The following ITGA2B variants were observed in gnomAD, a reference collection of about 807,000 sequenced individuals.
ITGA2B encodes the protein integrin alpha-IIb.
Under a neutral mutation model 142.0 loss-of-function variants are expected in ITGA2B, and 91 were observed. The observed-to-expected ratio is 0.64, with a 90% confidence interval of 0.54 to 0.76. The LOEUF (loss-of-function observed/expected upper bound fraction) is 0.76, where lower values mean the gene tolerates loss of function less well. Among genes scored for constraint, ITGA2B ranks in the 30% least tolerant of loss-of-function variants. The probability of loss-of-function intolerance (pLI) is 0.00; values close to 1 mark genes in which losing one functional copy is unlikely to be tolerated. For missense variants in ITGA2B, 1,231 were observed against 1,350.8 expected (o/e 0.91, Z 1.39); for synonymous variants, 536 against 567.2 (o/e 0.94, Z 0.78).
rs2048504229 is a variant in ITGA2B, at chr17:44,372,343, A to G, written c.*21T>C. 2 of 1,613,550 alleles carry G rather than the reference A, an allele frequency of 1.2e-6. No homozygotes were observed. The highest frequency in any genetic ancestry group is 2.7e-5 in the African/African-American group (2 of 74,910). ...AGGTAGCACGCCCAACCCTCCTGCT[A>G]GAATAGTGTAGGCTGCACCATCACT... On this transcript the variant is annotated 3_prime_UTR_variant, in exon 30 of 30. Coordinates refer to ENST00000262407, the MANE Select transcript of ITGA2B (RefSeq NM_000419.5).
At position 44,380,945 on chromosome 17, in the gene ITGA2B, G is replaced by A. The variant is rs974615642; in HGVS notation, c.1327C>T (p.Pro443Ser). 4.3e-6 allele frequency: 7 copies of A among 1,614,250 alleles called. No individual in the cohort carries two copies. The highest frequency in any genetic ancestry group is 5.9e-6 in the Non-Finnish European group (7 of 1,180,036). ...GAGAAGCCAAAGGCAGAGCCTGTGG[G>A]GAAGGGGCTGTCCAGGACCTGGGAG... Reference protein sequence around the residue: ...RPSQVLDSPFPTGSAFGFSLR... With the variant: ...RPSQVLDSPFSTGSAFGFSLR... The change falls in exon 13 of 30, where the codon CCC becomes TCC. Residue 443 changes from proline to serine, a missense_variant. Pro to Ser is a moderately conservative substitution (Grantham distance 74). Coordinates refer to ENST00000262407, the MANE Select transcript of ITGA2B (RefSeq NM_000419.5).
chr17:44,378,469 C>G lies in ITGA2B; in HGVS notation c.1987G>C (p.Glu663Gln), dbSNP rs1255156480. 4.3e-6 allele frequency: 7 copies of G among 1,613,808 alleles called. No individual in the cohort carries two copies. The highest frequency in any genetic ancestry group is 5.9e-6 in the Non-Finnish European group (7 of 1,179,962). The change falls in exon 20 of 30, where the codon GAG becomes CAG. Residue 663 changes from glutamate to glutamine, a missense_variant. Physicochemically the swap from Glu to Gln is conservative, Grantham distance 29 (BLOSUM62 2). Coordinates refer to ENST00000262407, the MANE Select transcript of ITGA2B (RefSeq NM_000419.5). ...TCGTTGGCTGCGTCCATCTGCAGCTCCAGGACATTATCTGCCCCAACTAGG... is the reference window on the plus strand; with the variant it reads ...TCGTTGGCTGCGTCCATCTGCAGCTGCAGGACATTATCTGCCCCAACTAGG... ...PLLVGADNVL[E>Q]LQMDAANEGE...
In ITGA2B at chr17:44,375,700, G is replaced by C. The variant is rs1331950413; in HGVS notation, c.2618C>G (p.Pro873Arg). 4 of 1,588,790 alleles carry C rather than the reference G, an allele frequency of 2.5e-6. No individual in the cohort carries two copies. The highest frequency in any genetic ancestry group is 3.4e-6 in the Non-Finnish European group (4 of 1,167,882). Residue 873 changes from proline to arginine, a missense_variant, in exon 26 of 30, where the codon CCC becomes CGC. By Grantham distance (103) the Pro-to-Arg change is moderately radical. This residue lies in a region of ITGA2B where 908 missense variants were observed against 1,021.1 expected (regional missense o/e 0.89). Coordinates refer to ENST00000262407, the MANE Select transcript of ITGA2B (RefSeq NM_000419.5). ...VNPLKVDWGL[P>R]IPSPSPIHPA... ...GTGAATGGGGGAGGGGCTGGGGATGGGCAGCCCCCAGTCCACCTGGGGGGG... is the reference window on the plus strand; with the variant it reads ...GTGAATGGGGGAGGGGCTGGGGATGCGCAGCCCCCAGTCCACCTGGGGGGG...
intron 4 of ITGA2B, 58 bp from the exon 5 acceptor site, chr17:44,385,393 C>G (rs2048636893): frequency 3.2e-6 from 5 of 1,564,060 alleles, no homozygotes; most frequent in Non-Finnish European, 2.6e-6. Context: ...CGCGCGAGCC[C>G]GGAGGAGGGC....
At chr17:44,376,232 C>T (rs2048542825) in intron 23 of ITGA2B, 48 bp from the exon 24 acceptor site, 1 of 1,613,538 alleles carries the variant, frequency 6.2e-7, no homozygotes, top group Admixed American at 1.7e-5. Flanking sequence ...CCTGATTGGC[C>T]TGTGAGGTTT....
intron 22 of ITGA2B, 66 bp from the exon 23 acceptor site, chr17:44,376,454 G>C (rs1211599218): frequency 6.8e-7 from 1 of 1,467,688 alleles, no homozygotes; most frequent in Non-Finnish European, 9.6e-7. Flanking sequence ...CTGGGGGTGA[G>C]GCCAGAATTT....
intron 1 of ITGA2B, among the ~76,000 whole-genome samples, chr17:44,388,710 G>T (rs942034115): frequency 1.3e-5 from 2 of 151,974 alleles, no homozygotes; most frequent in Non-Finnish European, 2.9e-5. Context: ...ATAGAGACAG[G>T]GTTTCACCAT....
At chr17:44,376,448 G>GCT in intron 22 of ITGA2B, 60 bp from the exon 23 acceptor site, 1 of 1,505,508 alleles carries the variant, frequency 6.6e-7, no homozygotes, top group Non-Finnish European at 9.2e-7. Flanking sequence ...GACTTTCTGG[G>GCT]GGTGAGGCCA....
chr17:44,385,841 A>C lies in ITGA2B; in HGVS notation c.391T>G (p.Trp131Gly). The C allele has an allele frequency of 6.2e-7, 1 of 1,604,768 alleles. No individual in the cohort carries two copies. Among genetic ancestry groups the C allele is most frequent in the Non-Finnish European group, 8.5e-7 (1 of 1,175,170 alleles). ...GGGCCCACCACAATGACGTCGCTCC[A>C]GCTGACGACCGACGCCCCCAGTCCT... ...RQGLGASVVS[W>G]SDVIVACAPW... The change falls in exon 3 of 30, where the codon TGG becomes GGG. Residue 131 changes from tryptophan (W) to glycine (G), a missense_variant. Physicochemically the swap from Trp to Gly is radical, Grantham distance 184 (BLOSUM62 -2). Transcript: ENST00000262407.
chr17:44,374,136 C>A, intron 29 of ITGA2B: 1 of 566,262 alleles, frequency 1.8e-6, no homozygotes, highest in South Asian at 1.9e-5. Flanking sequence ...GAACTCTTGA[C>A]CTCAGGTGAT....
At chr17:44,386,308 G>A (rs1196591133) in intron 1 of ITGA2B, among the ~76,000 whole-genome samples, 177 bp from the exon 2 acceptor site, 1 of 152,232 alleles carries the variant, frequency 6.6e-6, no homozygotes, top group Admixed American at 6.5e-5. Context: ...CAGTGAAACC[G>A]ACTCTCAGCG....
intron 14 of ITGA2B, 22 bp from the exon 15 acceptor site, chr17:44,380,512 G>A (rs772105748): frequency 1.8e-5 from 29 of 1,613,662 alleles, no homozygotes; most frequent in Non-Finnish European, 2.4e-5. Flanking sequence ...GGGTGATGGG[G>A]TAGGCTTGCC....
chr17:44,377,921 G>T, intron 20 of ITGA2B, 131 bp from the exon 21 acceptor site: 1 of 698,896 alleles, frequency 1.4e-6, no homozygotes. Flanking sequence ...GGGTCTCAAG[G>T]GACTGTCACA....
chr17:44,378,057 T>C (rs1458201877), intron 20 of ITGA2B, among the ~76,000 whole-genome samples: 10 of 151,866 alleles, frequency 6.6e-5, no homozygotes, highest in Non-Finnish European at 1.3e-4. Context: ...AAAAAATAAA[T>C]ATATACTTAT....
chr17:44,374,836 C>T, intron 27 of ITGA2B, 76 bp from the exon 28 acceptor site: 1 of 1,397,910 alleles, frequency 7.2e-7, no homozygotes, highest in Non-Finnish European at 1.0e-6. Flanking sequence ...TCCCACACCC[C>T]CGGCGGGGAA....
At chr17:44,380,221 C>T in intron 16 of ITGA2B, 25 bp downstream of exon 16, 1 of 1,614,174 alleles carries the variant, frequency 6.2e-7, no homozygotes, top group South Asian at 1.1e-5. Context: ...GCCCACCTCC[C>T]TCCTGCCCCC....
rs1341294025 is a variant in ITGA2B at position 44,385,308 on chromosome 17, C to G, written c.602G>C (p.Gly201Ala). ...FSWDKRYCEA[G>A]FSSVVTQAGE... ...CGCCTGAGTGACCACGGAGCTGAAG[C>G]CCGCTTCACAGTAACGCTTGTCCCA... is the stretch of plus-strand genomic sequence containing the variant. The change falls in exon 5 of 30, where the codon GGC becomes GCC. Residue 201 changes from glycine (G) to alanine (A), a missense_variant. By Grantham distance (60) the Gly-to-Ala change is moderately conservative. This residue lies in a region of ITGA2B where 318 missense variants were observed against 312.2 expected (regional missense o/e 1.02). Coordinates refer to ENST00000262407, the MANE Select transcript of ITGA2B (RefSeq NM_000419.5). The G allele has an allele frequency of 1.2e-6, 2 of 1,612,548 alleles. No individual in the cohort carries two copies. The highest frequency in any genetic ancestry group is 2.2e-5 in the East Asian group (1 of 44,854).
chr17:44,387,826 CAAAAAAAAAA>C (rs980395817), intron 1 of ITGA2B, among the ~76,000 whole-genome samples: 72 of 24,582 alleles, frequency 2.9e-3, no homozygotes, highest in Non-Finnish European at 4.4e-3. Context: ...AACCCCATCT[CAAAAAAAAAA>C]AAAAAAAAAA....
rs1199212712 is a variant in ITGA2B, at chr17:44,384,663, A to G, written c.800-78T>C. 21 of 1,515,078 alleles carry G rather than the reference A, an allele frequency of 1.4e-5. No individual in the cohort carries two copies. In the East Asian group the frequency reaches 4.3e-4, roughly 31 times the overall value. The allele number at this position is 1,515,078 out of a possible 1,614,324, so 93.9% of individuals were successfully genotyped here. ...ACGGAGGGCAAAGAAGGAGGAGATT[A>G]AGGCCACTCAGCCCCAGCCCTGCAT... On this transcript the variant is annotated intron_variant, in intron 7 of 29. Coordinates refer to ENST00000262407, the MANE Select transcript of ITGA2B (RefSeq NM_000419.5).
Sources: gnomAD v4.1 joint callset for allele counts (sites outside exome capture counted in the v4.1 genomes callset) on GRCh38, gnomAD v4.1.1 for gene constraint, gnomAD v4.1.1 regional missense constraint, MANE v1.5 for transcripts, NCBI Gene and HGNC (gene_info 2026-07-23, HGNC 2026-07-21) for gene names.